PRKCB: variants seen among roughly 807,000 people sequenced by gnomAD.
PRKCB encodes the protein protein kinase C beta.
Under a neutral mutation model 81.5 loss-of-function variants are expected in PRKCB, and 13 were observed. The observed-to-expected ratio is 0.16, with a 90% CI of 0.10 to 0.25. PRKCB has a LOEUF of 0.25. Among genes scored for constraint, PRKCB ranks in the 10% least tolerant of loss-of-function variants. The pLI, the probability that PRKCB is intolerant of heterozygous loss-of-function variation, is 1.00. For synonymous variants in PRKCB, 335 were observed against 321.4 expected, an observed-to-expected ratio of 1.04 and a Z score of -0.45; for missense variants, 509 against 875.7, an observed-to-expected ratio of 0.58 and a Z score of 5.29.
intron 4 of PRKCB, among the ~76,000 whole-genome samples, chr16:24,034,356 G>C (rs1965586753): frequency 6.6e-6 from 1 of 152,166 alleles, no homozygotes; most frequent in Non-Finnish European, 1.5e-5. Flanking sequence ...GGGCCCATGG[G>C]GTGACTTGGC....
chr16:23,936,960 C>T (rs1964069518), intron 2 of PRKCB, among the ~76,000 whole-genome samples: 1 of 152,196 alleles, frequency 6.6e-6, no homozygotes, highest in African/African-American at 2.4e-5. Flanking sequence ...TTCACGAAGG[C>T]ATCACATTTT....
chr16:23,923,932 G>A (rs1164898840), intron 2 of PRKCB, among the ~76,000 whole-genome samples: 3 of 152,072 alleles, frequency 2.0e-5, no homozygotes, highest in Admixed American at 6.5e-5. Context: ...GGCAAGTCTC[G>A]TATTGGTCCT....
intron 5 of PRKCB, among the ~76,000 whole-genome samples, chr16:24,088,973 C>T (rs911531093): frequency 1.3e-5 from 2 of 152,134 alleles, no homozygotes; most frequent in Admixed American, 1.3e-4. Flanking sequence ...ATCAACCAGA[C>T]AGACAAGCTT....
rs746347042 is a variant in PRKCB, at chr16:23,847,318, CTCTATCTATCTATCTATCTATCTA to C, written c.205+9948_205+9971del. ...TTGGGTGGGTAAAATATGATCCTGC[CTCTATCTATCTATCTATCTATCTA>C]TCTATCTATCTATCTATCTATCTAT... is the stretch of plus-strand genomic sequence containing the variant. On this transcript the variant is annotated intron_variant, in intron 2 of 16. Transcript: ENST00000643927. Among the ~76,000 whole-genome samples the C allele has an allele frequency of 1.5e-3, 217 of 144,248 alleles. 10 individuals carry two copies. The highest frequency in any genetic ancestry group is 5.3e-3 in the Admixed American group (75 of 14,276). 94.6% of individuals were successfully genotyped at this position (144,248 alleles called of 152,430 possible). A position where few individuals can be genotyped will look rare whatever the true frequency, so the allele number is the denominator to read the frequency against.
In PRKCB at chr16:24,092,773, C is replaced by G; in HGVS notation, c.530-18C>G. The stretch of plus-strand genomic sequence containing the variant: ...ATGTTGGACAGTATTAATGCAAAAA[C>G]TGCTTTTTCTTTTTCAGTAAGAGAT... On this transcript the variant is annotated intron_variant, in intron 5 of 16. Transcript: ENST00000643927. The G allele has an allele frequency of 2.5e-6, 4 of 1,610,856 alleles. No homozygotes were observed. Among genetic ancestry groups the G allele is most frequent in the Non-Finnish European group, 3.4e-6 (4 of 1,178,440 alleles).
rs111507980 is a variant in PRKCB at position 24,057,881 on chromosome 16, C to T, written c.529+22334C>T. 1.7e-3 allele frequency among the ~76,000 whole-genome samples: 266 copies of T among 152,184 alleles called. 3 individuals are homozygous for T. The highest frequency in any genetic ancestry group is 6.1e-3 in the African/African-American group (255 of 41,526). On this transcript the variant is annotated intron_variant, in intron 5 of 16. Coordinates refer to ENST00000643927, the MANE Select transcript of PRKCB (RefSeq NM_002738.7). ...GCCCTCTGAAATCCACTCTTCACAC[C>T]CAGCCACAGGAATCTTTCTAAAATG...
intron 5 of PRKCB, among the ~76,000 whole-genome samples, chr16:24,084,017 T>G (rs1322064478): frequency 6.6e-6 from 1 of 152,112 alleles, no homozygotes; most frequent in Non-Finnish European, 1.5e-5. Context: ...AAAAGTAATT[T>G]AAAACAGTAG....
intron 2 of PRKCB, chr16:23,869,238 C>T: frequency 2.6e-6 from 1 of 379,566 alleles, no homozygotes; most frequent in Non-Finnish European, 5.5e-6. Context: ...ATTGTTCTTC[C>T]CACCTCTGCC....
At chr16:23,855,340 A>C (rs538771425) in intron 2 of PRKCB, among the ~76,000 whole-genome samples, 1 of 152,204 alleles carries the variant, frequency 6.6e-6, no homozygotes, top group Non-Finnish European at 1.5e-5. Context: ...CTTTCTTTTT[A>C]ATCTTCAGTT....
chr16:23,975,225 C>G (rs937473297), intron 2 of PRKCB, among the ~76,000 whole-genome samples: 1 of 152,124 alleles, frequency 6.6e-6, no homozygotes, highest in African/African-American at 2.4e-5. Context: ...GGGGATTAAG[C>G]TTTTTCCATT....
chr16:23,884,960 A>C (rs1447068016), intron 2 of PRKCB, among the ~76,000 whole-genome samples: 1 of 152,284 alleles, frequency 6.6e-6, no homozygotes, highest in Non-Finnish European at 1.5e-5. Flanking sequence ...CCAGGTTCTC[A>C]AGATGGATGA....
chr16:24,080,761 A>G (rs1313760971), intron 5 of PRKCB, among the ~76,000 whole-genome samples: 1 of 152,228 alleles, frequency 6.6e-6, no homozygotes, highest in Non-Finnish European at 1.5e-5. Flanking sequence ...AAGAAGTCTC[A>G]AGGGAAATAA....
At chr16:23,998,502 T>TA (rs1964988652) in intron 3 of PRKCB, among the ~76,000 whole-genome samples, 1 of 152,212 alleles carries the variant, frequency 6.6e-6, no homozygotes, top group Non-Finnish European at 1.5e-5. Flanking sequence ...GTGTCCTGGT[T>TA]AAAATCACGG....
At position 24,210,568 on chromosome 16, in the gene PRKCB, C is replaced by T. The variant is rs1213918038; in HGVS notation, c.1864-4090C>T. Among the ~76,000 whole-genome samples the T allele has an allele frequency of 5.3e-5, 8 of 151,774 alleles. No homozygotes were observed. In the East Asian group the frequency reaches 1.2e-3, roughly 22 times the overall value. On this transcript the variant is annotated intron_variant, in intron 16 of 16. Coordinates refer to ENST00000643927, the MANE Select transcript of PRKCB (RefSeq NM_002738.7). Reference sequence around the variant, plus strand: ...GGCTGGAGTGCAGTGGCTTGATCTCCGCTCACTGCAACCTCTGCCTCCTGG... The same window carrying T: ...GGCTGGAGTGCAGTGGCTTGATCTCTGCTCACTGCAACCTCTGCCTCCTGG...
chr16:23,894,479 G>T (rs1185186831), intron 2 of PRKCB, among the ~76,000 whole-genome samples: 5 of 152,012 alleles, frequency 3.3e-5, no homozygotes, highest in Non-Finnish European at 7.4e-5. Context: ...AAATTCACTT[G>T]ATCACTGGAT....
intron 3 of PRKCB, among the ~76,000 whole-genome samples, chr16:24,022,305 AG>A (rs1201771535): frequency 1.3e-5 from 2 of 151,970 alleles, no homozygotes; most frequent in African/African-American, 4.8e-5. Flanking sequence ...CAGGCAGGAA[AG>A]GGGAAAGAGA....
At chr16:24,022,409 G>C (rs2141847410) in intron 3 of PRKCB, among the ~76,000 whole-genome samples, 1 of 152,286 alleles carries the variant, frequency 6.6e-6, no homozygotes, top group East Asian at 1.9e-4. Context: ...CCACTGCTCA[G>C]CCCACAGAAA....
chr16:24,085,494 A>G (rs191301464), intron 5 of PRKCB, among the ~76,000 whole-genome samples: 2 of 152,346 alleles, frequency 1.3e-5, no homozygotes, highest in East Asian at 3.9e-4. Context: ...TGACACTGTT[A>G]TCCTCTATCA....
At chr16:23,933,393 C>A (rs1484855888) in intron 2 of PRKCB, among the ~76,000 whole-genome samples, 1 of 152,036 alleles carries the variant, frequency 6.6e-6, no homozygotes, top group Non-Finnish European at 1.5e-5. Context: ...ATTGATGAGC[C>A]CCTTTTGGTT....
Sources: gnomAD v4.1 joint callset for allele counts (sites outside exome capture counted in the v4.1 genomes callset) on GRCh38, gnomAD v4.1.1 for gene constraint, MANE v1.5 for transcripts, NCBI Gene and HGNC (gene_info 2026-07-23, HGNC 2026-07-21) for gene names.